Variants in CTIF observed in about 807,000 individuals in gnomAD.
CTIF encodes CBP80/20-dependent translation initiation factor.
CTIF carries 21 observed loss-of-function variants against 66.0 expected under a neutral mutation model. That is an observed-to-expected ratio of 0.32 (90% CI 0.23 to 0.46). The LOEUF is 0.46. Among genes scored for constraint, CTIF ranks in the 20% least tolerant of loss-of-function variants. The pLI is 1.00. For missense variants in CTIF, 739 were observed against 812.7 expected (o/e 0.91, Z 1.10); for synonymous variants, 345 against 326.4 (o/e 1.06, Z -0.62).
At chr18:48,671,490 C>T (rs1158554069) in intron 6 of CTIF, among the ~76,000 whole-genome samples, 1 of 152,190 alleles carries the variant, frequency 6.6e-6, no homozygotes, top group African/African-American at 2.4e-5. Flanking sequence ...TTATCTATAT[C>T]CATTCATCTC....
intron 6 of CTIF, among the ~76,000 whole-genome samples, chr18:48,692,316 A>AC (rs1390255578): frequency 1.6e-5 from 2 of 123,370 alleles, no homozygotes; most frequent in Non-Finnish European, 3.1e-5. Context: ...CAAAAACAAA[A>AC]ACAAAACAAA....
chr18:48,706,017 CG>C (rs1458636294), intron 6 of CTIF, among the ~76,000 whole-genome samples: 6 of 152,282 alleles, frequency 3.9e-5, no homozygotes, highest in Admixed American at 1.3e-4. Flanking sequence ...TGTTGCATGG[CG>C]GGCCCCCTAC....
intron 1 of CTIF, among the ~76,000 whole-genome samples, chr18:48,575,946 C>G (rs1207702493): frequency 6.6e-6 from 1 of 152,226 alleles, no homozygotes; most frequent in East Asian, 1.9e-4. Flanking sequence ...CCCTGGGGAG[C>G]CAACCACAAA....
intron 1 of CTIF, among the ~76,000 whole-genome samples, chr18:48,551,430 A>G (rs1423273320): frequency 6.6e-6 from 1 of 152,062 alleles, no homozygotes; most frequent in Non-Finnish European, 1.5e-5. Context: ...TTGGACTTCT[A>G]GCCCCCAGAA....
chr18:48,839,923 A>G (rs1203929619), intron 10 of CTIF, among the ~76,000 whole-genome samples: 2 of 152,106 alleles, frequency 1.3e-5, no homozygotes, highest in Non-Finnish European at 2.9e-5. Flanking sequence ...TTTCAAATCC[A>G]ATCTTCAGGT....
Position 48,607,651 on chromosome 18 carries a change from A to C in CTIF, c.-28-11887A>C, listed in dbSNP as rs147755425. On this transcript the variant is annotated intron_variant, in intron 1 of 11. Coordinates refer to ENST00000256413, the MANE Select transcript of CTIF (RefSeq NM_014772.3). ...CAGGAGCTCATAGTTTAGCTGGGGA[A>C]GGAGGCAGCCACTCAGCTCACATTA... Among the ~76,000 whole-genome samples, 128 of 152,320 alleles carry C rather than the reference A, an allele frequency of 8.4e-4. 1 individual carries two copies. The East Asian group carries it at 0.021, about 25-fold the overall frequency.
At chr18:48,655,297 T>TAAA (rs35564462) in intron 3 of CTIF, among the ~76,000 whole-genome samples, 67 of 106,014 alleles carry the variant, frequency 6.3e-4, no homozygotes, top group African/African-American at 1.8e-3. Context: ...AGAGCAAGAC[T>TAAA]AAAAAAAAAA....
intron 7 of CTIF, among the ~76,000 whole-genome samples, chr18:48,730,532 TGTGGTGTGAGGG>T (rs2092440298): frequency 5.4e-5 from 2 of 36,782 alleles, no homozygotes; most frequent in Admixed American, 2.7e-4. Context: ...GAGGGGCCCC[TGTGGTGTGAGGG>T]GCTTCTGCTG....
intron 1 of CTIF, among the ~76,000 whole-genome samples, chr18:48,569,463 A>G (rs6507854): frequency 0.24 from 36,073 of 151,850 alleles, 5,914 homozygotes; most frequent in African/African-American, 0.47. Context: ...CATAAATGAA[A>G]AAAAAACAAA....
intron 1 of CTIF, among the ~76,000 whole-genome samples, chr18:48,541,333 C>G (rs536239249): frequency 3.3e-5 from 5 of 152,174 alleles, no homozygotes. Flanking sequence ...GCCGCCGGCT[C>G]GGCCGCGGCT....
chr18:48,744,806 G>A (rs2092582435), intron 7 of CTIF, among the ~76,000 whole-genome samples: 1 of 151,832 alleles, frequency 6.6e-6, no homozygotes, highest in African/African-American at 2.4e-5. Flanking sequence ...TTATCCTGGG[G>A]CAGTTCTTTC....
At chr18:48,730,965 C>A (rs1449235121) in intron 7 of CTIF, among the ~76,000 whole-genome samples, 2 of 152,040 alleles carry the variant, frequency 1.3e-5, no homozygotes, top group Non-Finnish European at 2.9e-5. Flanking sequence ...GGAAACTCTC[C>A]CAGCCCAGAG....
At chr18:48,695,081 A>G (rs2091986348) in intron 6 of CTIF, among the ~76,000 whole-genome samples, 2 of 152,240 alleles carry the variant, frequency 1.3e-5, no homozygotes, top group Non-Finnish European at 2.9e-5. Context: ...TCAGATTCAC[A>G]TGAAGCAGCA....
intron 6 of CTIF, among the ~76,000 whole-genome samples, chr18:48,702,064 CAA>C (rs1303982192): frequency 2.6e-5 from 4 of 152,188 alleles, no homozygotes; most frequent in Admixed American, 1.3e-4. Context: ...TCATTTTACA[CAA>C]GAGAGAGGAG....
chr18:48,687,533 G>A (rs1207899807), intron 6 of CTIF, among the ~76,000 whole-genome samples: 1 of 152,064 alleles, frequency 6.6e-6, no homozygotes, highest in Non-Finnish European at 1.5e-5. Flanking sequence ...CCCTGCTTAG[G>A]ATTCCAGCCA....
chr18:48,768,583 G>A (rs1374915249), intron 9 of CTIF, among the ~76,000 whole-genome samples: 1 of 152,200 alleles, frequency 6.6e-6, no homozygotes, highest in Non-Finnish European at 1.5e-5. Context: ...ATCCTAAATA[G>A]GGTGTAAGGC....
chr18:48,668,693 C>T (rs1049075587), intron 5 of CTIF, among the ~76,000 whole-genome samples: 3 of 152,110 alleles, frequency 2.0e-5, no homozygotes, highest in Non-Finnish European at 4.4e-5. Context: ...TTGCCTGCGC[C>T]GTGTCAGCCT....
chr18:48,728,739 T>TGAGAGAGAGAGA (rs138125305), intron 7 of CTIF, among the ~76,000 whole-genome samples: 3 of 139,204 alleles, frequency 2.2e-5, no homozygotes, highest in African/African-American at 7.8e-5. Flanking sequence ...AGGGGGAGAG[T>TGAGAGAGAGAGA]GAGAGAGAGA....
At chr18:48,833,218 G>A (rs776147453) in intron 10 of CTIF, among the ~76,000 whole-genome samples, 2 of 152,196 alleles carry the variant, frequency 1.3e-5, no homozygotes, top group African/African-American at 4.8e-5. Flanking sequence ...GATGAGGTGC[G>A]GCTGGCTGGG....
Sources: gnomAD v4.1 joint callset for allele counts (sites outside exome capture counted in the v4.1 genomes callset) on GRCh38, gnomAD v4.1.1 for gene constraint, MANE v1.5 for transcripts, NCBI Gene and HGNC (gene_info 2026-07-23, HGNC 2026-07-21) for gene names.